LRRC4C: variants seen among roughly 807,000 people sequenced by gnomAD.
LRRC4C encodes the protein leucine-rich repeat-containing protein 4C.
Under a neutral mutation model 33.6 loss-of-function variants are expected in LRRC4C, and 5 were observed. The ratio of observed to expected loss-of-function variants is 0.15; its 90% CI spans 0.08 to 0.31. The LOEUF is 0.31. Ranked by LOEUF, LRRC4C falls within the 10% of genes least tolerant of loss-of-function variation. The pLI, the probability that LRRC4C is intolerant of heterozygous loss-of-function variation, is 1.00. For missense variants in LRRC4C, 560 were observed against 796.7 expected (o/e 0.70, Z 3.58); for synonymous variants, 329 against 302.0 (o/e 1.09, Z -0.93).
At chr11:40,497,009 C>T (rs1954497953) in intron 3 of LRRC4C, among the ~76,000 whole-genome samples, 1 of 152,160 alleles carries the variant, frequency 6.6e-6, no homozygotes, top group Admixed American at 6.6e-5. Flanking sequence ...CCTCAAAACC[C>T]ATCTGCTGTT....
At chr11:40,476,689 T>C (rs1953253426) in intron 3 of LRRC4C, among the ~76,000 whole-genome samples, 1 of 152,184 alleles carries the variant, frequency 6.6e-6, no homozygotes, top group African/African-American at 2.4e-5. Flanking sequence ...TCTTTTGCCT[T>C]GTATGCTCTA....
At chr11:41,036,061 T>A (rs922186018) in intron 1 of LRRC4C, among the ~76,000 whole-genome samples, 1 of 118,086 alleles carries the variant, frequency 8.5e-6, no homozygotes, top group Non-Finnish European at 1.8e-5. Flanking sequence ...AAAAATTTTG[T>A]CTTTTGTTGT....
intron 3 of LRRC4C, among the ~76,000 whole-genome samples, chr11:40,443,263 A>G (rs1046052796): frequency 6.6e-6 from 1 of 152,186 alleles, no homozygotes; most frequent in African/African-American, 2.4e-5. Flanking sequence ...GGGAAAGACA[A>G]CACAACTGTG....
intron 1 of LRRC4C, among the ~76,000 whole-genome samples, chr11:41,293,815 T>C (rs1326226902): frequency 1.3e-5 from 2 of 152,120 alleles, no homozygotes; most frequent in Non-Finnish European, 2.9e-5. Flanking sequence ...CAGGCTTGTC[T>C]CGAACTCTTG....
rs115595723 is a variant in LRRC4C, at chr11:40,148,195, C to T, written c.-95-7342G>A. On this transcript the variant is annotated intron_variant, in intron 5 of 6. Coordinates refer to ENST00000528697, the MANE Select transcript of LRRC4C (RefSeq NM_001258419.2). ...GCAATGAACATATAAGTGCATGTGT[C>T]TTTGTGGTAGAATGATTTGGATCAA... is the stretch of plus-strand genomic sequence containing the variant. 3.6e-3 allele frequency among the ~76,000 whole-genome samples: 554 copies of T among 152,092 alleles called. 6 individuals are homozygous for T. Among genetic ancestry groups the T allele is most frequent in the African/African-American group, 0.012 (510 of 41,528 alleles).
chr11:41,332,216 C>G (rs148591364), intron 1 of LRRC4C, among the ~76,000 whole-genome samples: 1 of 152,182 alleles, frequency 6.6e-6, no homozygotes, highest in African/African-American at 2.4e-5. Context: ...CCCAATTTGC[C>G]TCATTAAGCT....
chr11:41,155,236 T>C (rs955096851), intron 1 of LRRC4C, among the ~76,000 whole-genome samples: 4 of 152,124 alleles, frequency 2.6e-5, no homozygotes, highest in African/African-American at 9.7e-5. Flanking sequence ...CTTTAATGTA[T>C]TCTTCAGGAG....
chr11:40,901,371 T>C (rs866795967), intron 2 of LRRC4C, among the ~76,000 whole-genome samples: 5 of 152,090 alleles, frequency 3.3e-5, no homozygotes, highest in Admixed American at 2.6e-4. Flanking sequence ...AGCCTGCTTG[T>C]TGGTAAAAAC....
At chr11:41,320,480 A>G (rs548348459) in intron 1 of LRRC4C, among the ~76,000 whole-genome samples, 40 of 152,344 alleles carry the variant, frequency 2.6e-4, no homozygotes, top group African/African-American at 9.1e-4. Flanking sequence ...ATAGATGTCT[A>G]TGGTGCATTA....
chr11:41,258,661 A>G (rs1948880075), intron 1 of LRRC4C, among the ~76,000 whole-genome samples: 1 of 152,032 alleles, frequency 6.6e-6, no homozygotes, highest in Non-Finnish European at 1.5e-5. Context: ...AACTCAATAA[A>G]TTTTAGCTGA....
intron 5 of LRRC4C, among the ~76,000 whole-genome samples, chr11:40,221,475 C>T (rs1223401009): frequency 6.6e-6 from 1 of 152,130 alleles, no homozygotes; most frequent in Non-Finnish European, 1.5e-5. Flanking sequence ...TGAAGAATGC[C>T]AGTCACATTT....
chr11:40,125,151 C>T lies in LRRC4C; in HGVS notation c.-42-8817G>A, dbSNP rs1375554995. Among the ~76,000 whole-genome samples the T allele has an allele frequency of 3.9e-5, 6 of 152,180 alleles. No homozygotes were observed. In the East Asian group the frequency reaches 1.2e-3, roughly 29 times the overall value. On this transcript the variant is annotated intron_variant, in intron 6 of 6. Coordinates refer to ENST00000528697, the MANE Select transcript of LRRC4C (RefSeq NM_001258419.2). ...CTTTCAGAGACTAATGAGGTCTGAA[C>T]ATGTGACACAATTTGGCTAATAAGA...
intron 1 of LRRC4C, among the ~76,000 whole-genome samples, chr11:41,431,553 T>C (rs1398657227): frequency 6.6e-6 from 1 of 152,038 alleles, no homozygotes; most frequent in African/African-American, 2.4e-5. Context: ...AATACATGTT[T>C]CCATATATGA....
chr11:41,143,585 T>A (rs1232666811), intron 1 of LRRC4C, among the ~76,000 whole-genome samples: 23 of 152,168 alleles, frequency 1.5e-4, no homozygotes, highest in Admixed American at 2.6e-4. Context: ...AGGACATTTG[T>A]CATATAAAAT....
chr11:40,512,717 T>C (rs1480364654), intron 3 of LRRC4C, among the ~76,000 whole-genome samples: 2 of 152,182 alleles, frequency 1.3e-5, no homozygotes, highest in African/African-American at 4.8e-5. Context: ...AGATCAATCC[T>C]AGCCGTGCAA....
At chr11:41,438,233 A>G (rs1013004243) in intron 1 of LRRC4C, among the ~76,000 whole-genome samples, 9 of 152,042 alleles carry the variant, frequency 5.9e-5, no homozygotes, top group South Asian at 2.1e-4. Context: ...TGGTCTTCAT[A>G]TCAACATTAT....
intron 3 of LRRC4C, among the ~76,000 whole-genome samples, chr11:40,452,314 G>C (rs1951924866): frequency 6.6e-6 from 1 of 151,942 alleles, no homozygotes; most frequent in Admixed American, 6.6e-5. Context: ...AATCTACAAA[G>C]AACTCAAACA....
chr11:40,202,396 A>G (rs1862828464), intron 5 of LRRC4C, among the ~76,000 whole-genome samples: 2 of 152,012 alleles, frequency 1.3e-5, no homozygotes, highest in Non-Finnish European at 2.9e-5. Flanking sequence ...TCACAAAGAA[A>G]TGGTGTCAGG....
In LRRC4C at chr11:41,304,725, T is replaced by G. The variant is rs1287905125; in HGVS notation, c.-496+154706A>C. Among the ~76,000 whole-genome samples the G allele has an allele frequency of 5.9e-3, 137 of 23,120 alleles. 3 individuals carry two copies. Among genetic ancestry groups the G allele is most frequent in the Admixed American group, 0.014 (20 of 1,444 alleles). The allele number at this position is 23,120 out of a possible 152,430, so 15.2% of individuals were successfully genotyped here. Reference sequence around the variant, plus strand: ...ACCCCGTCCGGGAGGGAGGTGGGGGTATCAGCCCCCCGCCCGGCCAGCCGC... The same window carrying G: ...ACCCCGTCCGGGAGGGAGGTGGGGGGATCAGCCCCCCGCCCGGCCAGCCGC... On this transcript the variant is annotated intron_variant, in intron 1 of 6. Transcript: ENST00000528697.
Sources: allele counts gnomAD v4.1 joint callset (sites outside exome capture counted in the v4.1 genomes callset), GRCh38; gene constraint gnomAD v4.1.1; transcripts MANE v1.5; gene names NCBI Gene and HGNC (gene_info 2026-07-23, HGNC 2026-07-21).